LRP1B: variants seen among roughly 807,000 people sequenced by gnomAD.
LRP1B encodes the protein low-density lipoprotein receptor-related protein 1B.
Under a neutral mutation model 556.6 loss-of-function variants are expected in LRP1B, and 217 were observed. That is an observed-to-expected ratio of 0.39 (90% confidence interval 0.35 to 0.44). The LOEUF is 0.44. Among genes scored for constraint, LRP1B ranks in the 20% least tolerant of loss-of-function variants. The pLI is 1.00. For missense variants in LRP1B, 5,053 were observed against 5,620.8 expected, an observed-to-expected ratio of 0.90 and a Z score of 3.23; for synonymous variants, 2,047 against 1,865.8, an observed-to-expected ratio of 1.10 and a Z score of -2.50.
chr2:141,983,531 G>A (rs1702101025), intron 1 of LRP1B, among the ~76,000 whole-genome samples: 1 of 152,102 alleles, frequency 6.6e-6, no homozygotes, highest in East Asian at 1.9e-4. Flanking sequence ...CTATTTTGGA[G>A]TTTGGTGCCT....
chr2:140,992,270 TGATG>T (rs1697115733), intron 16 of LRP1B, among the ~76,000 whole-genome samples: 1 of 151,998 alleles, frequency 6.6e-6, no homozygotes, highest in African/African-American at 2.4e-5. Context: ...ATGGCTTGGG[TGATG>T]GATTGAAGAG....
intron 3 of LRP1B, among the ~76,000 whole-genome samples, chr2:141,315,762 G>T (rs957137151): frequency 4.6e-5 from 7 of 151,524 alleles, no homozygotes; most frequent in African/African-American, 7.3e-5. Flanking sequence ...TACTTATCCT[G>T]CAGGAGACCT....
chr2:140,579,570 G>A (rs1028716389), intron 43 of LRP1B, among the ~76,000 whole-genome samples: 9 of 152,234 alleles, frequency 5.9e-5, no homozygotes, highest in South Asian at 4.1e-4. Flanking sequence ...AGGCCGGTGC[G>A]GTGGCTCAGG....
At chr2:140,811,546 A>C (rs1442789693) in intron 32 of LRP1B, among the ~76,000 whole-genome samples, 2 of 152,080 alleles carry the variant, frequency 1.3e-5, no homozygotes, top group African/African-American at 4.8e-5. Flanking sequence ...TGAGTTCCTT[A>C]GTTATGCTAT....
intron 7 of LRP1B, among the ~76,000 whole-genome samples, chr2:141,063,016 C>CAGTAT (rs1699383832): frequency 6.6e-6 from 1 of 151,772 alleles, no homozygotes; most frequent in Non-Finnish European, 1.5e-5. Context: ...AAATGTAACT[C>CAGTAT]CAACACTTCA....
intron 7 of LRP1B, among the ~76,000 whole-genome samples, chr2:141,128,413 G>A (rs569108706): frequency 6.6e-6 from 1 of 152,072 alleles, no homozygotes; most frequent in Non-Finnish European, 1.5e-5. Flanking sequence ...CTGTACTGAT[G>A]TCACCCCAGT....
At chr2:141,356,108 AG>A (rs1688618548) in intron 3 of LRP1B, among the ~76,000 whole-genome samples, 1 of 152,184 alleles carries the variant, frequency 6.6e-6, no homozygotes, top group Non-Finnish European at 1.5e-5. Context: ...ATCAGAAGCT[AG>A]TTTTGCAAAA....
At chr2:140,889,778 A>C (rs1195110791) in intron 23 of LRP1B, among the ~76,000 whole-genome samples, 2 of 152,188 alleles carry the variant, frequency 1.3e-5, no homozygotes, top group African/African-American at 4.8e-5. Context: ...GATGGTAGCT[A>C]GTGTTAGCAA....
chr2:141,925,431 A>T (rs755493735), intron 1 of LRP1B, among the ~76,000 whole-genome samples: 30 of 152,186 alleles, frequency 2.0e-4, no homozygotes, highest in Non-Finnish European at 4.0e-4. Flanking sequence ...TAGACTGACG[A>T]TGGGGTTAAC....
intron 43 of LRP1B, among the ~76,000 whole-genome samples, chr2:140,570,578 T>C (rs1226820366): frequency 6.6e-6 from 1 of 151,746 alleles, no homozygotes; most frequent in Non-Finnish European, 1.5e-5. Flanking sequence ...GGTTTCACAG[T>C]TGAATTCTAC....
At chr2:141,273,947 A>AAAC (rs1324284033) in intron 3 of LRP1B, among the ~76,000 whole-genome samples, 1 of 152,246 alleles carries the variant, frequency 6.6e-6, no homozygotes, top group African/African-American at 2.4e-5. Context: ...AATGTCCAAT[A>AAAC]AACACATAAA....
chr2:140,992,822 A>G (rs990307661), intron 16 of LRP1B, among the ~76,000 whole-genome samples: 2 of 152,068 alleles, frequency 1.3e-5, no homozygotes, highest in African/African-American at 2.4e-5. Flanking sequence ...TTTAGTATTT[A>G]AATTTTTTTT....
intron 2 of LRP1B, among the ~76,000 whole-genome samples, chr2:141,565,403 A>G (rs1686296213): frequency 6.6e-6 from 1 of 152,216 alleles, no homozygotes; most frequent in East Asian, 1.9e-4. Flanking sequence ...ACTTGACATT[A>G]TAAGTGGAAA....
intron 1 of LRP1B, among the ~76,000 whole-genome samples, chr2:141,891,944 G>A (rs1162448259): frequency 6.6e-6 from 1 of 151,896 alleles, no homozygotes; most frequent in Non-Finnish European, 1.5e-5. Flanking sequence ...GTGTGTTTTT[G>A]TATACGGCTG....
intron 12 of LRP1B, among the ~76,000 whole-genome samples, chr2:141,017,562 G>T (rs956897933): frequency 5.9e-5 from 9 of 151,544 alleles, no homozygotes; most frequent in Non-Finnish European, 1.2e-4. Context: ...TTCGCCAACT[G>T]ATCCAGCACC....
chr2:140,627,311 C>G (rs1198706509), intron 41 of LRP1B, among the ~76,000 whole-genome samples: 1 of 152,134 alleles, frequency 6.6e-6, no homozygotes, highest in Non-Finnish European at 1.5e-5. Flanking sequence ...CAGACACACC[C>G]TAATCTGAGT....
At chr2:141,813,480 A>G (rs1301253249) in intron 1 of LRP1B, among the ~76,000 whole-genome samples, 1 of 152,140 alleles carries the variant, frequency 6.6e-6, no homozygotes, top group Non-Finnish European at 1.5e-5. Flanking sequence ...TTTAAGGAAC[A>G]CTAAAGAGGT....
intron 2 of LRP1B, among the ~76,000 whole-genome samples, chr2:141,665,388 C>T (rs1000533488): frequency 2.0e-5 from 3 of 152,136 alleles, no homozygotes; most frequent in Non-Finnish European, 4.4e-5. Context: ...GATCCCATCT[C>T]GTGCCAGTCA....
chr2:140,257,914 T>C (rs1278702366), intron 86 of LRP1B, among the ~76,000 whole-genome samples: 2 of 152,172 alleles, frequency 1.3e-5, no homozygotes, highest in Non-Finnish European at 2.9e-5. Context: ...CACTGGTCCA[T>C]GTGGAGGAGT....
Sources: gnomAD v4.1 joint callset for allele counts (sites outside exome capture counted in the v4.1 genomes callset) on GRCh38, gnomAD v4.1.1 for gene constraint, MANE v1.5 for transcripts, NCBI Gene and HGNC (gene_info 2026-07-23, HGNC 2026-07-21) for gene names.